Variants in SETD2 observed in about 807,000 individuals in gnomAD.
SETD2 encodes histone-lysine N-methyltransferase SETD2.
Under a neutral mutation model 242.1 loss-of-function variants are expected in SETD2, and 31 were observed. That is an observed-to-expected ratio of 0.13 (90% CI 0.10 to 0.17). The LOEUF is 0.17. Among genes scored for constraint, SETD2 ranks in the 10% least tolerant of loss-of-function variants. SETD2 has a pLI of 1.00. For missense variants in SETD2, 2,481 were observed against 3,046.3 expected (o/e 0.81, Z 4.37); for synonymous variants, 1,006 against 1,066.5 (o/e 0.94, Z 1.11).
intron 15 of SETD2, among the ~76,000 whole-genome samples, chr3:47,048,580 A>G (rs771914093): frequency 1.3e-5 from 2 of 152,190 alleles, no homozygotes; most frequent in Non-Finnish European, 2.9e-5. Context: ...TAATAAATTA[A>G]CTGTAACTTA....
At chr3:47,080,722 C>CTGG in intron 12 of SETD2, 2 of 878,204 alleles carry the variant, frequency 2.3e-6, no homozygotes, top group Non-Finnish European at 2.7e-6. Context: ...TTGAGGTCTA[C>CTGG]TTTAGGAGTC....
At chr3:47,019,970 A>G in intron 18 of SETD2, 130 bp from the exon 19 acceptor site, 1 of 740,628 alleles carries the variant, frequency 1.4e-6, no homozygotes. Flanking sequence ...ATCCGTTTAG[A>G]GGCCCTGACT....
chr3:47,123,731 C>T lies in SETD2; in HGVS notation c.905G>A (p.Cys302Tyr), dbSNP rs2043204455. Residue 302 changes from cysteine to tyrosine, a missense_variant, in exon 3 of 21, where the codon TGT (cysteine) becomes TAT (tyrosine). Around this residue, in one of 17 missense-constraint regions of SETD2, gnomAD observed 334 missense variants for 374.5 expected, o/e 0.89. Coordinates refer to ENST00000409792, the MANE Select transcript of SETD2 (RefSeq NM_014159.7). The stretch of plus-strand genomic sequence containing the variant: ...TTTCTTCTTAGAACCTGTTTTTTTA[C>T]AGCTCAGACTAATCTTAGAACTATC... ...IPDSSKISLS[C>Y]KKTGSKKKSS... 1 of 1,550,978 alleles carries T rather than the reference C, an allele frequency of 6.4e-7. No individual in the cohort carries two copies. Among genetic ancestry groups the T allele is most frequent in the Non-Finnish European group, 8.7e-7 (1 of 1,146,728 alleles).
intron 9 of SETD2, among the ~76,000 whole-genome samples, chr3:47,093,767 G>T (rs900860173): frequency 2.6e-5 from 4 of 152,102 alleles, no homozygotes; most frequent in African/African-American, 9.7e-5. Context: ...AAAAGTGGTT[G>T]TCCCTCATTT....
intron 14 of SETD2, among the ~76,000 whole-genome samples, chr3:47,059,669 C>T (rs2040251476): frequency 6.6e-6 from 1 of 152,212 alleles, no homozygotes; most frequent in Admixed American, 6.5e-5. Context: ...CCACTCGCCT[C>T]GGCCTCCCAA....
Position 47,056,012 on chromosome 3 carries a change from CAAAAAAAAAAAAAAAAAAA to C in SETD2, c.6963+790_6963+808del, listed in dbSNP as rs1167181294. On this transcript the variant is annotated intron_variant, in intron 15 of 20. Transcript: ENST00000409792. ...TGGGGGACAGAGCGAGACTCCGTCT[CAAAAAAAAAAAAAAAAAAA>C]AAAAAAAAAAAAGTTCTGCCTTGTA... 6.3e-3 allele frequency among the ~76,000 whole-genome samples: 251 copies of C among 39,570 alleles called. 10 individuals are homozygous for C. Among genetic ancestry groups the C allele is most frequent in the Non-Finnish European group, 7.0e-3 (174 of 25,006 alleles). The allele number at this position is 39,570 out of a possible 152,430, so 26.0% of individuals were successfully genotyped here. A position where few individuals can be genotyped will look rare whatever the true frequency, so the allele number is the denominator to read the frequency against.
At chr3:47,048,285 A>T (rs1009608274) in intron 15 of SETD2, among the ~76,000 whole-genome samples, 3 of 152,176 alleles carry the variant, frequency 2.0e-5, no homozygotes, top group African/African-American at 7.2e-5. Flanking sequence ...GCCACTCAGG[A>T]GGCTGAGGCA....
chr3:47,071,546 C>T (rs1318034234), intron 12 of SETD2, among the ~76,000 whole-genome samples: 2 of 152,074 alleles, frequency 1.3e-5, no homozygotes, highest in African/African-American at 4.8e-5. Context: ...CATTGTGTTT[C>T]CAGGGTCAGA....
chr3:47,093,757 A>G (rs2041898694), intron 9 of SETD2, among the ~76,000 whole-genome samples: 1 of 152,182 alleles, frequency 6.6e-6, no homozygotes, highest in Non-Finnish European at 1.5e-5. Context: ...AAGTATTTTC[A>G]AAAGTGGTTG....
chr3:47,110,890 C>T lies in SETD2; in HGVS notation c.4715+2986G>A, dbSNP rs150210447. Among the ~76,000 whole-genome samples the T allele has an allele frequency of 3.3e-3, 494 of 151,982 alleles. 2 individuals are homozygous for T. Among genetic ancestry groups the T allele is most frequent in the Non-Finnish European group, 6.0e-3 (407 of 67,956 alleles). On this transcript the variant is annotated intron_variant, in intron 5 of 20. Coordinates refer to ENST00000409792, the MANE Select transcript of SETD2 (RefSeq NM_014159.7). ...GGAGCCATATATCCTTTCCTCCCTT[C>T]CCCAGTCTCCTTTCCCCTTAATATG...
chr3:47,104,218 T>C (rs1346531600), intron 6 of SETD2, among the ~76,000 whole-genome samples: 1 of 151,510 alleles, frequency 6.6e-6, no homozygotes, highest in Non-Finnish European at 1.5e-5. Flanking sequence ...TGCAACTCTT[T>C]TCACTAAAAA....
intron 12 of SETD2, among the ~76,000 whole-genome samples, chr3:47,072,367 C>T (rs1213136181): frequency 6.6e-6 from 1 of 152,040 alleles, no homozygotes; most frequent in African/African-American, 2.4e-5. Context: ...ATATAGAGAT[C>T]AGATTATCTG....
intron 9 of SETD2, among the ~76,000 whole-genome samples, chr3:47,091,054 C>T (rs2041783547): frequency 1.3e-5 from 2 of 152,160 alleles, no homozygotes; most frequent in East Asian, 1.9e-4. Context: ...CTAAAATGTA[C>T]ATTTAAGGCT....
intron 1 of SETD2, among the ~76,000 whole-genome samples, chr3:47,159,009 G>T (rs992698437): frequency 6.6e-6 from 1 of 152,078 alleles, no homozygotes; most frequent in Non-Finnish European, 1.5e-5. Flanking sequence ...CAAGTGTGGT[G>T]GTACACATCT....
chr3:47,156,197 G>A (rs2044123843), intron 1 of SETD2, among the ~76,000 whole-genome samples: 1 of 152,106 alleles, frequency 6.6e-6, no homozygotes, highest in Non-Finnish European at 1.5e-5. Flanking sequence ...CAATGCTCAT[G>A]GAACAATGAA....
chr3:47,083,612 AT>A, intron 12 of SETD2, 107 bp downstream of exon 12: 1 of 1,047,694 alleles, frequency 9.5e-7, no homozygotes, highest in Non-Finnish European at 1.4e-6. Flanking sequence ...ACAGTATTCC[AT>A]TTTTCAGAAA....
chr3:47,122,728 A>C lies in SETD2; in HGVS notation c.1908T>G (p.Phe636Leu). Residue 636 changes from phenylalanine to leucine, a missense_variant, in exon 3 of 21, where the codon TTT becomes TTG. By Grantham distance (22) the Phe-to-Leu change is conservative (BLOSUM62 0). This residue lies in a region of SETD2 where 1,300 missense variants were observed against 1,259.2 expected (regional missense o/e 1.03). Coordinates refer to ENST00000409792, the MANE Select transcript of SETD2 (RefSeq NM_014159.7). ...TATCATGTGTTATAAATTCGGACTT[A>C]AAAATAGGCAATTCATCTAGCTTTT... ...TLKKLDELPI[F>L]KSEFITHDSH... The C allele has an allele frequency of 6.2e-7, 1 of 1,611,222 alleles. No homozygotes were observed. Among genetic ancestry groups the C allele is most frequent in the East Asian group, 2.2e-5 (1 of 44,860 alleles).
intron 14 of SETD2, among the ~76,000 whole-genome samples, chr3:47,060,275 T>C (rs570056601): frequency 1.3e-5 from 2 of 152,246 alleles, no homozygotes; most frequent in African/African-American, 2.4e-5. Flanking sequence ...AGAGACCTCA[T>C]TAGACAGAGA....
intron 15 of SETD2, among the ~76,000 whole-genome samples, chr3:47,049,972 G>A (rs1239774467): frequency 6.9e-6 from 1 of 144,554 alleles, no homozygotes; most frequent in Non-Finnish European, 1.5e-5. Context: ...ATATTTATAT[G>A]TTTTTCTTAT....
Sources: gnomAD v4.1 joint callset for allele counts (sites outside exome capture counted in the v4.1 genomes callset) on GRCh38, gnomAD v4.1.1 for gene constraint, gnomAD v4.1.1 regional missense constraint, MANE v1.5 for transcripts, NCBI Gene and HGNC (gene_info 2026-07-23, HGNC 2026-07-21) for gene names.